FGGY: variants seen among roughly 807,000 people sequenced by gnomAD.
The protein encoded by FGGY is FGGY carbohydrate kinase domain-containing protein.
FGGY carries 72 observed loss-of-function variants against 71.3 expected under a neutral mutation model. That is an observed-to-expected ratio of 1.01 (90% CI 0.84 to 1.23). The LOEUF (loss-of-function observed/expected upper bound fraction) is 1.23, where lower values mean the gene tolerates loss of function less well. Ranked by LOEUF, FGGY falls within the 50% of genes most tolerant of loss-of-function variation. The probability of loss-of-function intolerance (pLI) is 0.00; values close to 1 mark genes in which losing one functional copy is unlikely to be tolerated. For synonymous variants in FGGY, 251 were observed against 250.3 expected (o/e 1.00, Z -0.02); for missense variants, 668 against 682.3 (o/e 0.98, Z 0.23).
chr1:59,611,192 C>T (rs1042046027), intron 9 of FGGY, among the ~76,000 whole-genome samples: 1 of 152,220 alleles, frequency 6.6e-6, no homozygotes, highest in Non-Finnish European at 1.5e-5. Context: ...GGATTGAGAT[C>T]TGAGAATGGA....
At position 59,465,929 on chromosome 1, in the gene FGGY, C is replaced by T. The variant is rs1224190705; in HGVS notation, c.670+8853C>T. On this transcript the variant is annotated intron_variant, in intron 6 of 15. Coordinates refer to ENST00000303721, the MANE Select transcript of FGGY (RefSeq NM_018291.5). ...CAATATCATGAAAATTGCCATACTG[C>T]CCAAGGTAATTTATAGATTCCATGC... Among the ~76,000 whole-genome samples, 3 of 152,210 alleles carry T rather than the reference C, an allele frequency of 2.0e-5. No homozygotes were observed. The East Asian group carries it at 5.8e-4, about 29-fold the overall frequency.
At chr1:59,379,213 G>T (rs2059079546) in intron 5 of FGGY, among the ~76,000 whole-genome samples, 1 of 114,594 alleles carries the variant, frequency 8.7e-6, no homozygotes, top group African/African-American at 3.1e-5. Flanking sequence ...ATTCCTTAAG[G>T]ACAGGGATAC....
intron 2 of FGGY, among the ~76,000 whole-genome samples, chr1:59,326,387 C>T (rs1398884346): frequency 6.6e-6 from 1 of 152,212 alleles, no homozygotes; most frequent in Non-Finnish European, 1.5e-5. Context: ...AGAGTAGCCA[C>T]ATGTCGGGTT....
chr1:59,351,416 A>G (rs544213815), intron 4 of FGGY, among the ~76,000 whole-genome samples: 1 of 152,306 alleles, frequency 6.6e-6, no homozygotes, highest in Non-Finnish European at 1.5e-5. Flanking sequence ...AATACATCAG[A>G]GTCTCTTGTT....
At chr1:59,379,932 A>G (rs2059182468) in intron 5 of FGGY, among the ~76,000 whole-genome samples, 1 of 151,904 alleles carries the variant, frequency 6.6e-6, no homozygotes. Context: ...TATATCTCCT[A>G]ATGCTATCCC....
Position 59,641,021 on chromosome 1 carries a change from A to G in FGGY, c.1221+2646A>G, listed in dbSNP as rs563177020. On this transcript the variant is annotated intron_variant, in intron 11 of 15. Coordinates refer to ENST00000303721, the MANE Select transcript of FGGY (RefSeq NM_018291.5). ...TCCTTCACTGTCCAGAGCTCTCCAG[A>G]TGCATGGAAGACGATTGCCCAACCT... Among the ~76,000 whole-genome samples the G allele has an allele frequency of 3.2e-4, 48 of 150,894 alleles. 1 individual carries two copies. In the South Asian group the frequency reaches 9.0e-3, roughly 28 times the overall value.
rs1572799328 is a variant in FGGY, at chr1:59,660,265, T to G, written c.1268T>G (p.Leu423Arg). Residue 423 changes from leucine (L) to arginine (R), a missense_variant, in exon 12 of 16, where the codon CTC becomes CGC. By Grantham distance (102) the Leu-to-Arg change is moderately radical (BLOSUM62 -2). Transcript: ENST00000303721. ...LSQDLDDLAI[L>R]YLATVQAIAL... is the part of the protein sequence containing the mutation. Reference sequence around the variant, plus strand: ...CAGGACCTTGATGATCTTGCCATTCTCTACCTGGCCACAGTTCAAGCCATT... The same window carrying G: ...CAGGACCTTGATGATCTTGCCATTCGCTACCTGGCCACAGTTCAAGCCATT... The G allele has an allele frequency of 1.2e-6, 2 of 1,613,458 alleles. No homozygotes were observed. The highest frequency in any genetic ancestry group is 1.7e-6 in the Non-Finnish European group (2 of 1,180,004).
At chr1:59,342,409 A>G (rs2050894399) in intron 3 of FGGY, among the ~76,000 whole-genome samples, 1 of 152,194 alleles carries the variant, frequency 6.6e-6, no homozygotes, top group African/African-American at 2.4e-5. Flanking sequence ...CTTTCATTGT[A>G]GGTAGAATGG....
At chr1:59,748,486 T>A (rs1573995351) in intron 14 of FGGY, among the ~76,000 whole-genome samples, 2 of 152,050 alleles carry the variant, frequency 1.3e-5, no homozygotes, top group Non-Finnish European at 2.9e-5. Flanking sequence ...AGAAAGGCCT[T>A]AGGCAGGAGG....
intron 1 of FGGY, among the ~76,000 whole-genome samples, chr1:59,299,170 T>C (rs945001472): frequency 3.9e-5 from 6 of 152,026 alleles, no homozygotes; most frequent in Non-Finnish European, 8.8e-5. Flanking sequence ...AGCCTAAGTA[T>C]GAGTGGGCTG....
intron 8 of FGGY, among the ~76,000 whole-genome samples, chr1:59,564,931 A>G (rs893394966): frequency 1.3e-5 from 2 of 152,274 alleles, no homozygotes; most frequent in East Asian, 1.9e-4. Context: ...AAAAGACTGC[A>G]AGTTGCCTGG....
intron 11 of FGGY, among the ~76,000 whole-genome samples, chr1:59,656,311 C>A (rs2097217873): frequency 6.6e-6 from 1 of 152,190 alleles, no homozygotes; most frequent in African/African-American, 2.4e-5. Context: ...GGAATCAGTT[C>A]ATCTGGCCTA....
intron 5 of FGGY, among the ~76,000 whole-genome samples, chr1:59,435,799 C>T (rs1205629160): frequency 1.3e-5 from 2 of 148,350 alleles, no homozygotes; most frequent in Non-Finnish European, 3.0e-5. Context: ...TTTTCTGATG[C>T]CTCCACTTGA....
intron 13 of FGGY, among the ~76,000 whole-genome samples, chr1:59,668,366 G>A (rs2097344361): frequency 6.6e-6 from 1 of 152,178 alleles, no homozygotes; most frequent in African/African-American, 2.4e-5. Context: ...GGCAAGGGGA[G>A]GGAAAGTGGG....
intron 7 of FGGY, among the ~76,000 whole-genome samples, chr1:59,522,538 C>T (rs760103603): frequency 2.0e-5 from 3 of 152,144 alleles, no homozygotes; most frequent in East Asian, 3.9e-4. Flanking sequence ...GAATGGGATG[C>T]GTAGCTATTG....
intron 9 of FGGY, among the ~76,000 whole-genome samples, chr1:59,620,340 CTCTTT>C (rs199767091): frequency 0.015 from 2,299 of 151,904 alleles, 66 homozygotes; most frequent in African/African-American, 0.053. Flanking sequence ...CTTTTTTCTT[CTCTTT>C]TCTTTTCTTT....
intron 2 of FGGY, chr1:59,331,846 G>A (rs2048547799): frequency 6.6e-6 from 1 of 152,260 alleles, no homozygotes; most frequent in African/African-American, 2.4e-5. Flanking sequence ...CCAACAGGTA[G>A]TGATGGAGCC....
chr1:59,548,547 GA>G (rs1266775087), intron 7 of FGGY, among the ~76,000 whole-genome samples: 48 of 152,162 alleles, frequency 3.2e-4, no homozygotes, highest in African/African-American at 1.1e-3. Context: ...TAACTCTGAA[GA>G]AGTAGATAAA....
intron 14 of FGGY, among the ~76,000 whole-genome samples, chr1:59,703,058 G>T (rs572994272): frequency 6.6e-6 from 1 of 152,136 alleles, no homozygotes; most frequent in South Asian, 2.1e-4. Flanking sequence ...TATACTCCAC[G>T]TAGGGAGCCT....
Sources: allele counts gnomAD v4.1 joint callset (sites outside exome capture counted in the v4.1 genomes callset), GRCh38; gene constraint gnomAD v4.1.1; transcripts MANE v1.5; gene names NCBI Gene and HGNC (gene_info 2026-07-23, HGNC 2026-07-21).